The following VAV3 variants were observed in gnomAD, a reference collection of about 807,000 sequenced individuals.
The protein encoded by VAV3 is guanine nucleotide exchange factor VAV3.
In VAV3, 94 loss-of-function variants were observed where a neutral mutation model predicts 131.2. That is an observed-to-expected ratio of 0.72 (90% confidence interval 0.61 to 0.85). The LOEUF is 0.85. Ranked by LOEUF, VAV3 falls within the 40% of genes least tolerant of loss-of-function variation. VAV3 has a pLI of 0.00. For synonymous variants in VAV3, 349 were observed against 342.0 expected (o/e 1.02, Z -0.22); for missense variants, 939 against 1,002.7 (o/e 0.94, Z 0.86).
chr1:107,885,669 T>TGA (rs1671000597), intron 1 of VAV3, among the ~76,000 whole-genome samples: 1 of 152,092 alleles, frequency 6.6e-6, no homozygotes, highest in Admixed American at 6.5e-5. Flanking sequence ...AGTACTTACC[T>TGA]GATACAGGTA....
chr1:107,926,831 T>G (rs1342804278), intron 1 of VAV3, among the ~76,000 whole-genome samples: 1 of 152,258 alleles, frequency 6.6e-6, no homozygotes, highest in Non-Finnish European at 1.5e-5. Context: ...CAGGCTAAAG[T>G]GCTCTAGGGC....
At chr1:107,839,344 A>G (rs1668597401) in intron 2 of VAV3, among the ~76,000 whole-genome samples, 1 of 152,176 alleles carries the variant, frequency 6.6e-6, no homozygotes, top group Admixed American at 6.5e-5. Context: ...TTCTCAGACA[A>G]TATGGAACTA....
rs537982768 is a variant in VAV3, at chr1:107,703,079, C to G, written c.1705+1471G>C. ...TTTAGAACCATGCCAACTATGGGAT[C>G]ATTTTACATTCTTCACAGATATCAT... is the stretch of plus-strand genomic sequence containing the variant. On this transcript the variant is annotated intron_variant, in intron 17 of 26. Transcript: ENST00000370056. Among the ~76,000 whole-genome samples, 8 of 152,176 alleles carry G rather than the reference C, an allele frequency of 5.3e-5. No individual in the cohort carries two copies. In the South Asian group the frequency reaches 1.2e-3, roughly 24 times the overall value.
At chr1:107,747,259 A>C (rs1208608452) in intron 15 of VAV3, among the ~76,000 whole-genome samples, 3 of 152,232 alleles carry the variant, frequency 2.0e-5, no homozygotes, top group Non-Finnish European at 4.4e-5. Context: ...CCTGTCATAC[A>C]GTCCAAGGAA....
At chr1:107,860,837 C>G (rs1316038656) in intron 2 of VAV3, among the ~76,000 whole-genome samples, 1 of 151,544 alleles carries the variant, frequency 6.6e-6, no homozygotes. Context: ...TTGAGTCCAG[C>G]CTGGGCAACA....
At chr1:107,675,302 TTCATTATC>T (rs781168330) in intron 19 of VAV3, among the ~76,000 whole-genome samples, 1 of 152,220 alleles carries the variant, frequency 6.6e-6, no homozygotes, top group Non-Finnish European at 1.5e-5. Flanking sequence ...TGGTTGATAC[TTCATTATC>T]TCATTTAATC....
At chr1:107,844,232 C>G (rs1341319566) in intron 2 of VAV3, among the ~76,000 whole-genome samples, 1 of 151,976 alleles carries the variant, frequency 6.6e-6, no homozygotes, top group East Asian at 2.0e-4. Flanking sequence ...GAACTCCCTC[C>G]CCTAGCCAAG....
At chr1:107,698,110 T>C (rs888919339) in intron 17 of VAV3, among the ~76,000 whole-genome samples, 1 of 152,194 alleles carries the variant, frequency 6.6e-6, no homozygotes, top group Admixed American at 6.5e-5. Context: ...CTGTAAGATG[T>C]CAATAATACC....
chr1:107,919,078 G>A (rs934848026), intron 1 of VAV3, among the ~76,000 whole-genome samples: 1 of 152,064 alleles, frequency 6.6e-6, no homozygotes, highest in South Asian at 2.1e-4. Flanking sequence ...TAATAAATTA[G>A]TCATTGGTTA....
intron 12 of VAV3, among the ~76,000 whole-genome samples, chr1:107,753,531 T>TAC (rs1663898289): frequency 5.3e-5 from 2 of 37,516 alleles, no homozygotes; most frequent in African/African-American, 9.2e-5. Flanking sequence ...TATATACGTA[T>TAC]ATATATATAT....
At chr1:107,701,253 C>T (rs1557773966) in intron 17 of VAV3, among the ~76,000 whole-genome samples, 1 of 152,000 alleles carries the variant, frequency 6.6e-6, no homozygotes, top group Non-Finnish European at 1.5e-5. Flanking sequence ...TTTGTGCATC[C>T]ACAGGTCCAA....
In VAV3 at chr1:107,866,772, G is replaced by A. The variant is rs995397455; in HGVS notation, c.321+8129C>T. Among the ~76,000 whole-genome samples the A allele has an allele frequency of 2.4e-4, 32 of 135,018 alleles. 2 individuals are homozygous for A. Among genetic ancestry groups the A allele is most frequent in the Admixed American group, 1.8e-3 (22 of 12,248 alleles). 88.6% of individuals were successfully genotyped at this position (135,018 alleles called of 152,430 possible). On this transcript the variant is annotated intron_variant, in intron 2 of 26. Transcript: ENST00000370056. ...TGGAAGGTGGAGGCTGCATTGAGCC[G>A]AGATTGTGTCACTGTACTCCAGCCT... is the stretch of plus-strand genomic sequence containing the variant.
intron 21 of VAV3, among the ~76,000 whole-genome samples, chr1:107,610,877 A>G (rs1342943953): frequency 6.6e-6 from 1 of 152,138 alleles, no homozygotes; most frequent in African/African-American, 2.4e-5. Context: ...TATTAATGGG[A>G]TTTTTATATT....
chr1:107,790,679 CTTTTTTTTTTTT>C (rs145926469), intron 2 of VAV3, among the ~76,000 whole-genome samples: 3 of 69,840 alleles, frequency 4.3e-5, no homozygotes, highest in South Asian at 1.1e-3. Flanking sequence ...AAATGTCTTC[CTTTTTTTTTTTT>C]TTTTTTTTTT....
At chr1:107,939,645 C>A (rs545960779) in intron 1 of VAV3, among the ~76,000 whole-genome samples, 3 of 152,250 alleles carry the variant, frequency 2.0e-5, no homozygotes, top group African/African-American at 4.8e-5. Context: ...CAGGACATAA[C>A]CCCATCTAAG....
intron 9 of VAV3, among the ~76,000 whole-genome samples, chr1:107,764,546 G>T (rs1570918580): frequency 2.0e-5 from 3 of 152,006 alleles, no homozygotes; most frequent in Admixed American, 2.0e-4. Context: ...TTGATACAGG[G>T]TCTTGCTTTG....
chr1:107,643,682 T>C (rs769831591), intron 19 of VAV3, among the ~76,000 whole-genome samples: 19 of 152,124 alleles, frequency 1.2e-4, no homozygotes, highest in South Asian at 4.1e-4. Context: ...GCACTAAACA[T>C]GTAAAGAAGG....
chr1:107,635,527 A>G (rs1352003488), intron 20 of VAV3, among the ~76,000 whole-genome samples: 1 of 151,612 alleles, frequency 6.6e-6, no homozygotes, highest in Non-Finnish European at 1.5e-5. Flanking sequence ...GTTAAATGAG[A>G]AGTTAATGGG....
intron 1 of VAV3, among the ~76,000 whole-genome samples, chr1:107,926,267 C>T (rs1461669905): frequency 3.3e-5 from 5 of 151,998 alleles, no homozygotes; most frequent in South Asian, 2.1e-4. Context: ...GGTGGCAGAA[C>T]GAGACTTGGG....
Sources: allele counts gnomAD v4.1 joint callset (sites outside exome capture counted in the v4.1 genomes callset), GRCh38; gene constraint gnomAD v4.1.1; transcripts MANE v1.5; gene names NCBI Gene and HGNC (gene_info 2026-07-23, HGNC 2026-07-21).